The following SLC36A1 variants were observed in gnomAD, a reference collection of about 807,000 sequenced individuals.
SLC36A1 encodes the protein solute carrier family 36 member 1, also known as proton-coupled amino acid transporter 1.
Under a neutral mutation model 47.5 loss-of-function variants are expected in SLC36A1, and 30 were observed. That is an observed-to-expected ratio of 0.63 (90% CI 0.47 to 0.86). The LOEUF (loss-of-function observed/expected upper bound fraction) is 0.86, where lower values mean the gene tolerates loss of function less well. SLC36A1 is among the 40% of genes least tolerant of loss of function. SLC36A1 has a pLI of 0.00. For synonymous variants in SLC36A1, 255 were observed against 249.7 expected (o/e 1.02, Z -0.20); for missense variants, 517 against 606.0 (o/e 0.85, Z 1.54).
At chr5:151,422,824 C>G in the SLC36A1 span, among the ~76,000 whole-genome samples, 1 of 152,234 alleles carries the variant, frequency 6.6e-6, no homozygotes, top group East Asian at 1.9e-4. Context: ...TGTCTGTAAT[C>G]CCAGCTACTT....
Position 151,479,385 on chromosome 5 carries a change from A to C in SLC36A1, c.1055A>C (p.Tyr352Ser). The C allele has an allele frequency of 6.2e-7, 1 of 1,614,218 alleles. No homozygotes were observed. The highest frequency in any genetic ancestry group is 8.5e-7 in the Non-Finnish European group (1 of 1,180,032). ...TTTTTCACCTACGCACTCCAGTTCT[A>C]CGTCCCGGCTGAGATCATCATCCCC... ...GIFFTYALQFYVPAEIIIPFF... is the reference protein window; with the variant it reads ...GIFFTYALQFSVPAEIIIPFF... Residue 352 changes from tyrosine (Y) to serine (S), a missense_variant, in exon 10 of 11, where the codon TAC (tyrosine) becomes TCC (serine). Tyr to Ser is a moderately radical substitution (Grantham distance 144, BLOSUM62 -2). Coordinates refer to ENST00000243389, the MANE Select transcript of SLC36A1 (RefSeq NM_078483.4).
At chr5:151,545,441 C>A in the SLC36A1 span, 5 of 1,614,172 alleles carry the variant, frequency 3.1e-6, no homozygotes, top group Non-Finnish European at 4.2e-6. Flanking sequence ...TCATCGCTGG[C>A]CCGCACCATG....
the SLC36A1 span, chr5:151,527,906 G>A: frequency 2.6e-6 from 4 of 1,511,736 alleles, no homozygotes; most frequent in African/African-American, 1.4e-5. Context: ...TTCAGGATGG[G>A]GTCTTGACAG....
At chr5:151,529,991 G>A in the SLC36A1 span, among the ~76,000 whole-genome samples, 1 of 152,120 alleles carries the variant, frequency 6.6e-6, no homozygotes, top group African/African-American at 2.4e-5. Context: ...TCTTTCAACA[G>A]CATCACATGC....
the SLC36A1 span, among the ~76,000 whole-genome samples, chr5:151,364,233 T>C: frequency 2.0e-5 from 3 of 152,220 alleles, no homozygotes; most frequent in African/African-American, 7.2e-5. Context: ...CTTAATTTTT[T>C]AATGTTTCTA....
the SLC36A1 span, among the ~76,000 whole-genome samples, chr5:151,416,483 T>A: frequency 2.6e-5 from 4 of 152,248 alleles, no homozygotes; most frequent in African/African-American, 9.6e-5. Flanking sequence ...TGCTGGTAAA[T>A]GCTTTATCAA....
the SLC36A1 span, chr5:151,542,556 G>C: frequency 9.3e-6 from 15 of 1,614,048 alleles, no homozygotes; most frequent in Non-Finnish European, 1.2e-5. Context: ...GGAGTGTGGT[G>C]ATCCAACCAC....
chr5:151,407,412 T>A, the SLC36A1 span, among the ~76,000 whole-genome samples: 4 of 152,202 alleles, frequency 2.6e-5, no homozygotes, highest in African/African-American at 9.7e-5. Flanking sequence ...CACAGAGCAC[T>A]GATTGGTACA....
intron 1 of SLC36A1, among the ~76,000 whole-genome samples, chr5:151,457,410 G>A (rs1443525142): frequency 1.3e-5 from 2 of 152,034 alleles, no homozygotes; most frequent in African/African-American, 4.8e-5. Flanking sequence ...AGAAGCCCTT[G>A]CTCTTCTCTT....
chr5:151,529,578 T>A, the SLC36A1 span, among the ~76,000 whole-genome samples: 1 of 107,690 alleles, frequency 9.3e-6, no homozygotes, highest in Non-Finnish European at 2.3e-5. Context: ...ATCTCCCTCA[T>A]TTTTCTTTAT....
the SLC36A1 span, among the ~76,000 whole-genome samples, chr5:151,349,028 G>A: frequency 6.6e-6 from 1 of 152,264 alleles, no homozygotes; most frequent in African/African-American, 2.4e-5. Context: ...CAGTATTACT[G>A]GTCTGTGAAG....
At chr5:151,506,128 C>CATTT in the SLC36A1 span, 1 of 1,492,448 alleles carries the variant, frequency 6.7e-7, no homozygotes, top group Middle Eastern at 1.9e-4. Context: ...AGGGTGAGCT[C>CATTT]ATTTTCTCCC....
At chr5:151,415,466 G>A in the SLC36A1 span, among the ~76,000 whole-genome samples, 2 of 152,184 alleles carry the variant, frequency 1.3e-5, no homozygotes, top group Non-Finnish European at 2.9e-5. Flanking sequence ...TCCCTAGGCA[G>A]TTCTTCCTAC....
At chr5:151,545,975 A>G in the SLC36A1 span, 1 of 1,614,152 alleles carries the variant, frequency 6.2e-7, no homozygotes, top group Non-Finnish European at 8.5e-7. Flanking sequence ...TCATGGTCCA[A>G]TTTCTTCTGG....
At chr5:151,402,088 G>A in the SLC36A1 span, among the ~76,000 whole-genome samples, 14 of 152,182 alleles carry the variant, frequency 9.2e-5, no homozygotes, top group South Asian at 6.2e-4. Flanking sequence ...GAATGCTTTC[G>A]GCTTTTGCCC....
chr5:151,389,404 T>C, the SLC36A1 span, among the ~76,000 whole-genome samples: 2 of 147,308 alleles, frequency 1.4e-5, no homozygotes, highest in African/African-American at 5.0e-5. Context: ...GAGTTTCTTT[T>C]TCTTTTAATT....
At chr5:151,534,971 AT>A in the SLC36A1 span, among the ~76,000 whole-genome samples, 3 of 22,576 alleles carry the variant, frequency 1.3e-4, no homozygotes, top group African/African-American at 8.8e-4. Context: ...TTCTAGGAAA[AT>A]ATATATATAT....
At chr5:151,505,217 A>T in the SLC36A1 span, 1 of 382,488 alleles carries the variant, frequency 2.6e-6, no homozygotes, top group East Asian at 6.1e-5. Context: ...TTGAGCCAGC[A>T]CAGTCAATCA....
At chr5:151,388,579 T>C in the SLC36A1 span, among the ~76,000 whole-genome samples, 1 of 151,092 alleles carries the variant, frequency 6.6e-6, no homozygotes, top group Non-Finnish European at 1.5e-5. Flanking sequence ...TAGTTGTGGC[T>C]CAACCACCTT....
Sources: gnomAD v4.1 joint callset for allele counts (sites outside exome capture counted in the v4.1 genomes callset) on GRCh38, gnomAD v4.1.1 for gene constraint, MANE v1.5 for transcripts, NCBI Gene and HGNC (gene_info 2026-07-23, HGNC 2026-07-21) for gene names.